The following KIAA1217 variants were observed in gnomAD, a reference collection of about 807,000 sequenced individuals.
KIAA1217 encodes sickle tail protein homolog.
KIAA1217 carries 88 observed loss-of-function variants against 163.9 expected under a neutral mutation model. The observed-to-expected ratio is 0.54, with a 90% CI of 0.45 to 0.64. KIAA1217 has a LOEUF of 0.64. Ranked by LOEUF, KIAA1217 falls within the 30% of genes least tolerant of loss-of-function variation. KIAA1217 has a pLI of 0.00. For missense variants in KIAA1217, 2,372 were observed against 2,475.0 expected, an observed-to-expected ratio of 0.96 and a Z score of 0.88; for synonymous variants, 903 against 923.1, an observed-to-expected ratio of 0.98 and a Z score of 0.39.
intron 1 of KIAA1217, among the ~76,000 whole-genome samples, chr10:23,774,252 A>G (rs899182967): frequency 2.0e-5 from 3 of 152,242 alleles, no homozygotes; most frequent in African/African-American, 7.2e-5. Flanking sequence ...CTTCATATAC[A>G]GTTTATCCAG....
intron 2 of KIAA1217, among the ~76,000 whole-genome samples, chr10:24,252,100 G>T (rs956672062): frequency 6.6e-6 from 1 of 152,010 alleles, no homozygotes; most frequent in African/African-American, 2.4e-5. Flanking sequence ...AGCTGCTCGA[G>T]GAATCATCCT....
At chr10:23,701,636 C>T (rs564827245) in intron 1 of KIAA1217, among the ~76,000 whole-genome samples, 1 of 152,276 alleles carries the variant, frequency 6.6e-6, no homozygotes, top group South Asian at 2.1e-4. Flanking sequence ...AATAAAATGA[C>T]CCCTGTAAAG....
chr10:24,436,522 G>C (rs866427981), intron 4 of KIAA1217, among the ~76,000 whole-genome samples: 1 of 151,304 alleles, frequency 6.6e-6, no homozygotes, highest in South Asian at 2.1e-4. Context: ...ACTTTGGGAG[G>C]CCAAGGTGGG....
intron 2 of KIAA1217, among the ~76,000 whole-genome samples, chr10:24,282,834 T>C (rs1180029261): frequency 3.5e-5 from 5 of 142,774 alleles, no homozygotes; most frequent in Non-Finnish European, 7.6e-5. Context: ...TTTTTTTTTT[T>C]TTTTTTTTTT....
chr10:23,831,349 C>T (rs574915379), intron 1 of KIAA1217, among the ~76,000 whole-genome samples: 2 of 151,656 alleles, frequency 1.3e-5, no homozygotes, highest in East Asian at 1.9e-4. Flanking sequence ...AAAAGATGGC[C>T]TATGGATGGG....
chr10:24,218,655 A>AT (rs978092383), intron 1 of KIAA1217, among the ~76,000 whole-genome samples: 7 of 151,558 alleles, frequency 4.6e-5, no homozygotes, highest in African/African-American at 7.3e-5. Context: ...TGCCCAGCTA[A>AT]TTTTTTTGTA....
At chr10:23,853,497 T>A (rs530398607) in intron 1 of KIAA1217, among the ~76,000 whole-genome samples, 5 of 152,144 alleles carry the variant, frequency 3.3e-5, no homozygotes, top group Non-Finnish European at 5.9e-5. Flanking sequence ...TGTCTCTGCC[T>A]GGCTTTGGTA....
intron 2 of KIAA1217, among the ~76,000 whole-genome samples, chr10:24,363,451 A>G (rs1046174802): frequency 1.3e-5 from 2 of 152,202 alleles, no homozygotes; most frequent in African/African-American, 4.8e-5. Context: ...CTCTGAAATA[A>G]TAAATGCTCT....
chr10:24,014,373 G>C (rs1847382120), intron 2 of KIAA1217, among the ~76,000 whole-genome samples: 1 of 152,128 alleles, frequency 6.6e-6, no homozygotes, highest in Non-Finnish European at 1.5e-5. Flanking sequence ...AGAAAATAGA[G>C]TTTACAATTT....
chr10:24,187,481 ACAT>A (rs1379548626), intron 2 of KIAA1217, among the ~76,000 whole-genome samples: 1 of 152,218 alleles, frequency 6.6e-6, no homozygotes, highest in Non-Finnish European at 1.5e-5. Context: ...TGGTTATAAA[ACAT>A]CATAACTATC....
intron 13 of KIAA1217, among the ~76,000 whole-genome samples, chr10:24,525,682 TAGGTCTTAAGACCAAATGACATG>T (rs2072033677): frequency 6.6e-6 from 1 of 152,136 alleles, no homozygotes; most frequent in African/African-American, 2.4e-5. Context: ...AAGAGAAAAC[TAGGTCTTAAGACCAAATGACATG>T]AGGCCATGTG....
intron 2 of KIAA1217, among the ~76,000 whole-genome samples, chr10:24,379,321 T>C (rs2052971626): frequency 6.6e-6 from 1 of 152,198 alleles, no homozygotes; most frequent in African/African-American, 2.4e-5. Context: ...AAGCAGACTT[T>C]GTAAAAAATA....
At chr10:24,318,855 C>T (rs2133237368) in intron 2 of KIAA1217, among the ~76,000 whole-genome samples, 1 of 152,240 alleles carries the variant, frequency 6.6e-6, no homozygotes, top group East Asian at 1.9e-4. Context: ...AATCATTAGC[C>T]CAGTGTGTAA....
At chr10:24,069,169 A>T (rs189262922) in intron 2 of KIAA1217, among the ~76,000 whole-genome samples, 1 of 152,330 alleles carries the variant, frequency 6.6e-6, no homozygotes, top group Admixed American at 6.5e-5. Flanking sequence ...CTCTGGAGTC[A>T]TCAAAGGCTG....
At chr10:23,919,783 A>G (rs138194732) in intron 1 of KIAA1217, among the ~76,000 whole-genome samples, 11 of 152,174 alleles carry the variant, frequency 7.2e-5, no homozygotes, top group African/African-American at 2.4e-4. Flanking sequence ...TTTCGGTGCT[A>G]CCCAAAGAGA....
At chr10:24,322,257 A>C (rs921325677) in intron 2 of KIAA1217, among the ~76,000 whole-genome samples, 4 of 152,014 alleles carry the variant, frequency 2.6e-5, no homozygotes, top group African/African-American at 7.2e-5. Context: ...TCTGGCCTGA[A>C]ATTTATTTTT....
chr10:24,238,327 C>G (rs1189086868), intron 2 of KIAA1217, among the ~76,000 whole-genome samples: 3 of 152,134 alleles, frequency 2.0e-5, no homozygotes, highest in African/African-American at 7.2e-5. Context: ...CAGTCCTATT[C>G]AAATTTTCTG....
At chr10:23,879,096 G>A (rs1451846817) in intron 1 of KIAA1217, among the ~76,000 whole-genome samples, 1 of 151,906 alleles carries the variant, frequency 6.6e-6, no homozygotes, top group Admixed American at 6.6e-5. Context: ...ATACATTTGA[G>A]GCTAACAGTT....
At chr10:23,701,525 G>A (rs186774649) in intron 1 of KIAA1217, among the ~76,000 whole-genome samples, 51 of 152,232 alleles carry the variant, frequency 3.4e-4, no homozygotes, top group Non-Finnish European at 7.1e-4. Context: ...TAACATAGCT[G>A]TTCTCACTGA....
Sources: gnomAD v4.1 joint callset for allele counts (sites outside exome capture counted in the v4.1 genomes callset) on GRCh38, gnomAD v4.1.1 for gene constraint, MANE v1.5 for transcripts, NCBI Gene and HGNC (gene_info 2026-07-23, HGNC 2026-07-21) for gene names.